Variants in BRWD1 observed in about 807,000 individuals in gnomAD.
BRWD1 encodes bromodomain and WD repeat domain containing 1.
Under a neutral mutation model 251.2 loss-of-function variants are expected in BRWD1, and 82 were observed. That is an observed-to-expected ratio of 0.33 (90% CI 0.27 to 0.39). The LOEUF (loss-of-function observed/expected upper bound fraction) is 0.39, where lower values mean the gene tolerates loss of function less well. Ranked by LOEUF, BRWD1 falls within the 10% of genes least tolerant of loss-of-function variation. The pLI is 1.00. For missense variants in BRWD1, 2,233 were observed against 2,711.6 expected (o/e 0.82, Z 3.92); for synonymous variants, 918 against 902.8 (o/e 1.02, Z -0.30).
Position 39,313,529 on chromosome 21 carries a change from A to AGCGG in BRWD1, c.-42_-39dup. 3 of 1,327,356 alleles carry AGCGG rather than the reference A, an allele frequency of 2.3e-6. No homozygotes were observed. The highest frequency in any genetic ancestry group is 2.9e-6 in the Non-Finnish European group (3 of 1,045,544). The allele number at this position is 1,327,356 out of a possible 1,614,324, so 82.2% of individuals were successfully genotyped here. The stretch of plus-strand genomic sequence containing the variant: ...GGCGGGAGGCGGGAGCGAGCGAGCG[A>AGCGG]GCGGAGCGTGTAGGCCGCGCCGAGG... On this transcript the variant is annotated 5_prime_UTR_variant, in exon 1 of 41. Transcript: ENST00000342449.
In BRWD1 at chr21:39,202,404, A is replaced by G. The variant is rs567889602; in HGVS notation, c.4506T>C (p.Ser1502=). The G allele has an allele frequency of 1.1e-5, 17 of 1,614,110 alleles. No homozygotes were observed. The South Asian group carries it at 1.8e-4, about 17-fold the overall frequency. Residue 1502 remains serine, a synonymous_variant, in exon 38 of 41, where the codon TCT becomes TCC. Transcript: ENST00000342449. ...ATTCTGCTGAATCTGAAGAGTCACC[A>G]GAAGTAACACCTGAAGAGATACCAG... ...TSAGISSGVT[S]GDSSDSAESS...
intron 8 of BRWD1, among the ~76,000 whole-genome samples, chr21:39,286,794 G>A (rs533154171): frequency 4.6e-5 from 7 of 152,256 alleles, no homozygotes; most frequent in Admixed American, 1.3e-4. Flanking sequence ...GATTGCAGAC[G>A]TGAGCCACTG....
chr21:39,284,176 C>CT (rs1238279952), intron 8 of BRWD1, among the ~76,000 whole-genome samples: 11 of 152,162 alleles, frequency 7.2e-5, no homozygotes, highest in South Asian at 2.1e-4. Context: ...TATAGCCAAT[C>CT]TTTTTTTGTG....
chr21:39,233,489 A>G (rs1304848602), intron 23 of BRWD1, among the ~76,000 whole-genome samples: 1 of 152,190 alleles, frequency 6.6e-6, no homozygotes, highest in Admixed American at 6.5e-5. Context: ...TGAAGAGACA[A>G]GTATGAAGAC....
At chr21:39,219,002 G>T (rs754249615) in intron 29 of BRWD1, among the ~76,000 whole-genome samples, 1 of 150,736 alleles carries the variant, frequency 6.6e-6, no homozygotes, top group African/African-American at 2.5e-5. Context: ...CTTACATACA[G>T]TTAAAATTTT....
At chr21:39,243,685 A>C (rs1385605831) in intron 21 of BRWD1, among the ~76,000 whole-genome samples, 2 of 152,046 alleles carry the variant, frequency 1.3e-5, no homozygotes, top group Non-Finnish European at 2.9e-5. Context: ...TCCTGGGCTC[A>C]AGCCATCCTC....
At position 39,293,074 on chromosome 21, in the gene BRWD1, TGAA is replaced by T. The variant is rs139612640; in HGVS notation, c.831+734_831+736del. ...CCTAGGATTCGCTTTAGGTACAAGA[TGAA>T]GCAGTTAGGAAAGAATTGGCCATGG... On this transcript the variant is annotated intron_variant, in intron 8 of 40. Transcript: ENST00000342449. Among the ~76,000 whole-genome samples the T allele has an allele frequency of 2.5e-3, 387 of 152,314 alleles. 1 individual carries two copies. The highest frequency in any genetic ancestry group is 3.9e-3 in the Non-Finnish European group (263 of 68,030).
chr21:39,198,744 G>A lies in BRWD1; in HGVS notation c.5653+19C>T. ...TGGTGAGAGTCAATCAGTGAACAAA[G>A]ATAAATGTTTTGAATTACCTTTCAT... is the stretch of plus-strand genomic sequence containing the variant. On this transcript the variant is annotated intron_variant, in intron 40 of 40. Coordinates refer to ENST00000342449, the MANE Select transcript of BRWD1 (RefSeq NM_033656.4). 1.3e-6 allele frequency: 2 copies of A among 1,545,154 alleles called. No individual in the cohort carries two copies. The highest frequency in any genetic ancestry group is 2.3e-5 in the East Asian group (1 of 44,430).
intron 37 of BRWD1, among the ~76,000 whole-genome samples, 164 bp from the exon 38 acceptor site, chr21:39,202,709 T>A (rs1016798909): frequency 1.4e-4 from 22 of 152,346 alleles, no homozygotes; most frequent in African/African-American, 5.1e-4. Flanking sequence ...CTGGCACTGA[T>A]TAGTAGTAGT....
rs182632874 is a variant in BRWD1 at position 39,253,938 on chromosome 21, T to C, written c.2255+1707A>G. Among the ~76,000 whole-genome samples, 358 of 152,326 alleles carry C rather than the reference T, an allele frequency of 2.4e-3. 5 individuals are homozygous for C. Among genetic ancestry groups the C allele is most frequent in the Admixed American group, 5.3e-3 (81 of 15,296 alleles). ...AATTACAAAATATCATTTCTACACT[T>C]GATCTTAGCCAAAAGGCCAAGAAGC... On this transcript the variant is annotated intron_variant, in intron 19 of 40. Transcript: ENST00000342449.
At chr21:39,274,612 G>C (rs529481354) in intron 12 of BRWD1, 140 bp from the exon 13 acceptor site, 2 of 715,426 alleles carry the variant, frequency 2.8e-6, no homozygotes, top group East Asian at 5.4e-5. Context: ...CAAAAGACAA[G>C]GTATTTAGAG....
At chr21:39,197,891 CACT>C (rs775650692) in intron 40 of BRWD1, among the ~76,000 whole-genome samples, 92 of 152,312 alleles carry the variant, frequency 6.0e-4, no homozygotes, top group Non-Finnish European at 7.9e-4. Flanking sequence ...ATGAGACCAC[CACT>C]GTTATGCAGC....
At chr21:39,282,686 A>G (rs1366361014) in intron 8 of BRWD1, among the ~76,000 whole-genome samples, 1 of 152,162 alleles carries the variant, frequency 6.6e-6, no homozygotes, top group African/African-American at 2.4e-5. Context: ...GGCCAAGCAC[A>G]GTTGCTCATG....
At position 39,197,081 on chromosome 21, in the gene BRWD1, GCCTTCAC is replaced by G; in HGVS notation, c.5981_5987del (p.Cys1994SerfsTer19). ...CTTCGGAGTCAGGATCAGGTGGCTT[GCCTTCAC>G]AGGCATACTGTTCACTTGGTACTTC... On this transcript the variant is annotated frameshift_variant, in exon 41 of 41. Transcript: ENST00000342449. LOFTEE classifies it low-confidence loss of function (END_TRUNC). 1 of 1,614,112 alleles carries G rather than the reference GCCTTCAC, an allele frequency of 6.2e-7. No individual in the cohort carries two copies. The highest frequency in any genetic ancestry group is 8.5e-7 in the Non-Finnish European group (1 of 1,179,970).
At chr21:39,298,082 T>C in intron 5 of BRWD1, 3 of 995,364 alleles carry the variant, frequency 3.0e-6, no homozygotes, top group Non-Finnish European at 3.6e-6. Context: ...ACCTCTAGCA[T>C]TTAAAGAGTT....
intron 21 of BRWD1, among the ~76,000 whole-genome samples, chr21:39,242,026 A>G (rs905423678): frequency 1.3e-5 from 2 of 152,202 alleles, no homozygotes; most frequent in Non-Finnish European, 2.9e-5. Context: ...TAGACCTACT[A>G]ATAACCATAC....
intron 17 of BRWD1, 21 bp downstream of exon 17, chr21:39,264,439 A>C (rs1248343241): frequency 2.8e-6 from 4 of 1,446,182 alleles, no homozygotes; most frequent in Non-Finnish European, 3.7e-6. Context: ...AAAAAAAAAA[A>C]AAAAAAAAGA....
At chr21:39,236,475 G>A in intron 23 of BRWD1, 120 bp downstream of exon 23, 2 of 932,770 alleles carry the variant, frequency 2.1e-6, no homozygotes. Flanking sequence ...CCAGAGCAGG[G>A]CCCAAGACAC....
chr21:39,247,574 A>C, intron 21 of BRWD1, 127 bp downstream of exon 21: 1 of 1,016,794 alleles, frequency 9.8e-7, no homozygotes, highest in South Asian at 2.4e-5. Context: ...TCAAAATGTG[A>C]AATTTCATAT....
Sources: gnomAD v4.1 joint callset for allele counts (sites outside exome capture counted in the v4.1 genomes callset) on GRCh38, gnomAD v4.1.1 for gene constraint, MANE v1.5 for transcripts, NCBI Gene and HGNC (gene_info 2026-07-23, HGNC 2026-07-21) for gene names.